The following SEMA3D variants were observed in gnomAD, a reference collection of about 807,000 sequenced individuals.
The protein encoded by SEMA3D is semaphorin 3D, also known as semaphorin-3D.
In SEMA3D, 84 loss-of-function variants were observed where a neutral mutation model predicts 100.1. The observed-to-expected ratio is 0.84, with a 90% CI of 0.70 to 1.01. The LOEUF (loss-of-function observed/expected upper bound fraction) is 1.01. SEMA3D is among the 50% of genes least tolerant of loss of function. SEMA3D has a pLI of 0.00. For synonymous variants in SEMA3D, 312 were observed against 320.7 expected (o/e 0.97, Z 0.29); for missense variants, 875 against 934.1 (o/e 0.94, Z 0.82).
At chr7:85,022,918 C>G (rs1790295973) in intron 12 of SEMA3D, among the ~76,000 whole-genome samples, 1 of 151,806 alleles carries the variant, frequency 6.6e-6, no homozygotes, top group Admixed American at 6.6e-5. Context: ...TGAAATCTAA[C>G]TTGAAATAAC....
chr7:85,223,551 T>C, the SEMA3D span, among the ~76,000 whole-genome samples: 1 of 151,914 alleles, frequency 6.6e-6, no homozygotes, highest in Admixed American at 6.6e-5. Context: ...TGTGTGTGTG[T>C]GTGTGTGTAT....
At chr7:85,200,430 C>G in the SEMA3D span, among the ~76,000 whole-genome samples, 1 of 152,186 alleles carries the variant, frequency 6.6e-6, no homozygotes, top group African/African-American at 2.4e-5. Context: ...AGCAAAGAGC[C>G]TGGTAGTATT....
At chr7:85,249,323 C>T in the SEMA3D span, among the ~76,000 whole-genome samples, 1 of 152,068 alleles carries the variant, frequency 6.6e-6, no homozygotes, top group Non-Finnish European at 1.5e-5. Context: ...GCCTCAAAAA[C>T]TGACACAGGA....
At chr7:85,004,681 G>A (rs908425368) in intron 18 of SEMA3D, among the ~76,000 whole-genome samples, 6 of 152,026 alleles carry the variant, frequency 3.9e-5, no homozygotes, top group African/African-American at 1.4e-4. Flanking sequence ...GTGGAGGAAA[G>A]ATTCCAAACT....
At chr7:85,023,457 G>A (rs961350052) in intron 12 of SEMA3D, among the ~76,000 whole-genome samples, 1 of 151,772 alleles carries the variant, frequency 6.6e-6, no homozygotes, top group Non-Finnish European at 1.5e-5. Flanking sequence ...ACCTCGTATA[G>A]AACGATTCTT....
rs139455373 is a variant in SEMA3D, at chr7:85,035,446, A to C, written c.1191+1443T>G. Among the ~76,000 whole-genome samples the C allele has an allele frequency of 3.0e-4, 45 of 152,136 alleles. No homozygotes were observed. The South Asian group carries it at 6.2e-3, about 21-fold the overall frequency. On this transcript the variant is annotated intron_variant, in intron 12 of 18. Transcript: ENST00000284136. The stretch of plus-strand genomic sequence containing the variant: ...ATACACTATGCAACAACATGAATGA[A>C]TCTTAAGGACGTTATGTTGAGTGAA...
At chr7:85,215,796 G>A in the SEMA3D span, among the ~76,000 whole-genome samples, 5 of 152,032 alleles carry the variant, frequency 3.3e-5, no homozygotes, top group African/African-American at 4.8e-5. Flanking sequence ...CATTTCGGGA[G>A]AAGAGTAGAA....
the SEMA3D span, among the ~76,000 whole-genome samples, chr7:85,237,969 T>C: frequency 6.6e-6 from 1 of 152,326 alleles, no homozygotes; most frequent in Non-Finnish European, 1.5e-5. Context: ...TTCTAAAATA[T>C]GTGTAGTGGG....
intron 17 of SEMA3D, among the ~76,000 whole-genome samples, chr7:85,007,464 C>G: frequency 6.6e-6 from 1 of 151,606 alleles, no homozygotes; most frequent in East Asian, 1.9e-4. Context: ...TGATGATGAG[C>G]CAGATGCACT....
chr7:85,215,601 C>A, the SEMA3D span, among the ~76,000 whole-genome samples: 3 of 151,886 alleles, frequency 2.0e-5, no homozygotes, highest in African/African-American at 7.3e-5. Flanking sequence ...CTTTTATACT[C>A]AAAAAATTCA....
At chr7:85,141,856 G>A in intron 2 of SEMA3D, 1 of 889,134 alleles carries the variant, frequency 1.1e-6, no homozygotes, top group Non-Finnish European at 1.3e-6. Flanking sequence ...CAAGGGCCCA[G>A]TTTATAAAGC....
Position 85,106,434 on chromosome 7 carries a change from C to T in SEMA3D, c.152-8469G>A, listed in dbSNP as rs557915228. 5.9e-5 allele frequency among the ~76,000 whole-genome samples: 9 copies of T among 152,034 alleles called. No homozygotes were observed. In the South Asian group the frequency reaches 1.9e-3, roughly 32 times the overall value. On this transcript the variant is annotated intron_variant, in intron 3 of 18. Transcript: ENST00000284136. The stretch of plus-strand genomic sequence containing the variant: ...GACAATATGACAAGACAAATAATTC[C>T]TCAAACTAAGATCACTATAAATTAA...
Position 85,140,439 on chromosome 7 carries a change from G to A in SEMA3D, c.-41+13169C>T, listed in dbSNP as rs1790013688. The A allele has an allele frequency of 5.1e-6, 5 of 983,592 alleles. No homozygotes were observed. In the South Asian group the frequency reaches 2.4e-4, roughly 46 times the overall value. 60.9% of individuals were successfully genotyped at this position (983,592 alleles called of 1,614,324 possible). A position where few individuals can be genotyped will look rare whatever the true frequency, so the allele number is the denominator to read the frequency against. ...ATCTTTAAATGAAGGGACTAGTGAT[G>A]ATGGGATTTAAGGTGACTTACTGTT... On this transcript the variant is annotated intron_variant, in intron 2 of 18. Transcript: ENST00000284136.
the SEMA3D span, among the ~76,000 whole-genome samples, chr7:85,244,267 A>G: frequency 6.6e-6 from 1 of 152,202 alleles, no homozygotes; most frequent in African/African-American, 2.4e-5. Flanking sequence ...TCTCAGAAAA[A>G]CTAATCCCTT....
chr7:85,111,619 G>A (rs1285287651), intron 3 of SEMA3D, among the ~76,000 whole-genome samples: 1 of 151,824 alleles, frequency 6.6e-6, no homozygotes, highest in Non-Finnish European at 1.5e-5. Flanking sequence ...CCTATTTCTC[G>A]ATCTCTTTCT....
chr7:85,244,048 G>C, the SEMA3D span, among the ~76,000 whole-genome samples: 1 of 152,116 alleles, frequency 6.6e-6, no homozygotes, highest in Non-Finnish European at 1.5e-5. Flanking sequence ...TGTTATAAGA[G>C]AATACCCAAG....
intron 2 of SEMA3D, among the ~76,000 whole-genome samples, chr7:85,130,266 T>C (rs1174372604): frequency 6.6e-6 from 1 of 152,152 alleles, no homozygotes; most frequent in African/African-American, 2.4e-5. Flanking sequence ...CAATTGATGA[T>C]GACTTATGCA....
At chr7:85,207,891 A>G in the SEMA3D span, among the ~76,000 whole-genome samples, 1 of 152,076 alleles carries the variant, frequency 6.6e-6, no homozygotes, top group Non-Finnish European at 1.5e-5. Flanking sequence ...TAGGAAAAAA[A>G]TCATTTAATA....
intron 13 of SEMA3D, among the ~76,000 whole-genome samples, chr7:85,021,822 C>T (rs1170234140): frequency 1.3e-5 from 2 of 151,566 alleles, no homozygotes; most frequent in African/African-American, 4.8e-5. Context: ...TTTATAAAAA[C>T]ATTTTAATCA....
Sources: allele counts gnomAD v4.1 joint callset (sites outside exome capture counted in the v4.1 genomes callset), GRCh38; gene constraint gnomAD v4.1.1; transcripts MANE v1.5; gene names NCBI Gene and HGNC (gene_info 2026-07-23, HGNC 2026-07-21).